KIAA0513: variants seen among roughly 807,000 people sequenced by gnomAD.
KIAA0513 encodes KIAA0513.
In KIAA0513, 39 loss-of-function variants were observed where a neutral mutation model predicts 56.5. The ratio of observed to expected loss-of-function variants is 0.69; its 90% CI spans 0.53 to 0.90. KIAA0513 has a LOEUF of 0.90. Among genes scored for constraint, KIAA0513 ranks in the 40% least tolerant of loss-of-function variants. The pLI is 0.00. For synonymous variants in KIAA0513, 268 were observed against 215.6 expected, an observed-to-expected ratio of 1.24 and a Z score of -2.13; for missense variants, 591 against 535.2, an observed-to-expected ratio of 1.10 and a Z score of -1.03.
In KIAA0513 at chr16:85,060,224, G is replaced by T. The variant is rs11643102; in HGVS notation, c.-172-6676G>T. Among the ~76,000 whole-genome samples, 5 of 152,340 alleles carry T rather than the reference G, an allele frequency of 3.3e-5. No individual in the cohort carries two copies. The East Asian group carries it at 9.7e-4, about 29-fold the overall frequency. On this transcript the variant is annotated intron_variant, in intron 1 of 12. Coordinates refer to ENST00000683363, the MANE Select transcript of KIAA0513 (RefSeq NM_001388359.1). ...GATCCTCCTGCCTCAGCCTCCCAAA[G>T]TGTTGGGATTACAGGCGTGAGCCAC...
At chr16:85,067,753 C>T (rs890941059) in intron 2 of KIAA0513, among the ~76,000 whole-genome samples, 11 of 152,160 alleles carry the variant, frequency 7.2e-5, no homozygotes, top group African/African-American at 2.7e-4. Context: ...GCTCACAGGT[C>T]CCCATCATCC....
chr16:85,050,287 A>G lies in KIAA0513; in HGVS notation c.-172-16613A>G, dbSNP rs2073231921. Among the ~76,000 whole-genome samples, 9 of 151,946 alleles carry G rather than the reference A, an allele frequency of 5.9e-5. 1 individual carries two copies. The South Asian group carries it at 1.9e-3, about 32-fold the overall frequency. ...TAGGAGAACTTCTGAAAAAACAAGA[A>G]ATTTCAAAGACTCCTACTCTGGAGG... is the stretch of plus-strand genomic sequence containing the variant. On this transcript the variant is annotated intron_variant, in intron 1 of 12. Transcript: ENST00000683363.
intron 1 of KIAA0513, among the ~76,000 whole-genome samples, chr16:85,028,840 G>C (rs1012287710): frequency 2.6e-5 from 4 of 152,184 alleles, no homozygotes; most frequent in Non-Finnish European, 5.9e-5. Context: ...AGTAGTGGCT[G>C]TGGTGAGTCA....
intron 1 of KIAA0513, among the ~76,000 whole-genome samples, chr16:85,046,570 C>T (rs752279343): frequency 1.3e-5 from 2 of 152,202 alleles, no homozygotes; most frequent in Admixed American, 6.5e-5. Context: ...ATGGACGGCC[C>T]GTCTGTAGGC....
In KIAA0513 at chr16:85,089,083, T is replaced by G. The variant is rs1365820511; in HGVS notation, c.*758T>G. On this transcript the variant is annotated 3_prime_UTR_variant, in exon 13 of 13. Coordinates refer to ENST00000683363, the MANE Select transcript of KIAA0513 (RefSeq NM_001388359.1). This position sits in a 1 kb window ranked among gnomAD's most constrained non-coding sequence, Gnocchi z 4.2. ...GGCAGACCACACAGACCGTCTGAAA[T>G]GCGCCCGCCTGGCGGACAGCTCCCT... The G allele has an allele frequency of 6.6e-6, 1 of 152,172 alleles. No homozygotes were observed. The highest frequency in any genetic ancestry group is 6.5e-5 in the Admixed American group (1 of 15,280). 9.4% of individuals were successfully genotyped at this position (152,172 alleles called of 1,614,324 possible).
chr16:85,060,804 A>C (rs950886909), intron 1 of KIAA0513, among the ~76,000 whole-genome samples: 41 of 149,888 alleles, frequency 2.7e-4, no homozygotes, highest in Admixed American at 1.8e-3. Flanking sequence ...AGATTGCACC[A>C]CTCTACTTCA....
At chr16:85,049,550 G>C (rs551285545) in intron 1 of KIAA0513, among the ~76,000 whole-genome samples, 56 of 152,308 alleles carry the variant, frequency 3.7e-4, no homozygotes, top group African/African-American at 1.3e-3. Context: ...CCTCGAGATA[G>C]CGAGTTCTCA....
intron 1 of KIAA0513, among the ~76,000 whole-genome samples, chr16:85,059,442 TCTC>T (rs1455640101): frequency 1.3e-5 from 2 of 152,184 alleles, no homozygotes; most frequent in Non-Finnish European, 2.9e-5. Context: ...AGCCAGGCTG[TCTC>T]CTCTAGTCAT....
intron 1 of KIAA0513, among the ~76,000 whole-genome samples, chr16:85,065,029 T>G (rs1026521305): frequency 3.3e-5 from 5 of 152,258 alleles, no homozygotes; most frequent in Non-Finnish European, 7.3e-5. Context: ...TTGAGTGGTT[T>G]GTGTAGCTGT....
chr16:85,078,163 G>T (rs2073686590), intron 6 of KIAA0513, among the ~76,000 whole-genome samples: 2 of 152,178 alleles, frequency 1.3e-5, no homozygotes, highest in African/African-American at 4.8e-5. Flanking sequence ...ACAGCCGGGT[G>T]CCTTGGCCTC....
At chr16:85,057,661 G>A (rs1241315097) in intron 1 of KIAA0513, among the ~76,000 whole-genome samples, 4 of 152,222 alleles carry the variant, frequency 2.6e-5, no homozygotes, top group Non-Finnish European at 5.9e-5. Context: ...ATTGTCCTGG[G>A]ATCTTCAGTC....
At chr16:85,037,843 T>G (rs920803756) in intron 1 of KIAA0513, among the ~76,000 whole-genome samples, 1 of 152,176 alleles carries the variant, frequency 6.6e-6, no homozygotes, top group Admixed American at 6.5e-5. Flanking sequence ...CCTCTCTCCC[T>G]CCTCCAGGGA....
At position 85,087,170 on chromosome 16, in the gene KIAA0513, C is replaced by T. The variant is rs1386539367; in HGVS notation, c.1186+4C>T. 3.7e-6 allele frequency: 6 copies of T among 1,612,000 alleles called. No individual in the cohort carries two copies. The highest frequency in any genetic ancestry group is 1.7e-5 in the Admixed American group (1 of 59,984). ...GTGATTGGCAACCTGGATGAAGGTGCGTCTGGGGGAGGCTGCTGGCAGGAG... is the reference window on the plus strand; with the variant it reads ...GTGATTGGCAACCTGGATGAAGGTGTGTCTGGGGGAGGCTGCTGGCAGGAG... On this transcript the variant is annotated splice_donor_region_variant and intron_variant, in intron 12 of 12. Transcript: ENST00000683363.
rs1156585221 is a variant in KIAA0513 at position 85,092,845 on chromosome 16, C to G, written c.*4520C>G. ...CACACAGGCCACGCACCCCAGGAAC[C>G]CTTGCTGCCGCGGGCCAGGAACAGG... is the stretch of plus-strand genomic sequence containing the variant. On this transcript the variant is annotated 3_prime_UTR_variant, in exon 13 of 13. Coordinates refer to ENST00000683363, the MANE Select transcript of KIAA0513 (RefSeq NM_001388359.1). 6.6e-6 allele frequency: 1 copy of G among 152,490 alleles called. No individual in the cohort carries two copies. Among genetic ancestry groups the G allele is most frequent in the East Asian group, 1.9e-4 (1 of 5,168 alleles). The allele number at this position is 152,490 out of a possible 1,614,324, so 9.4% of individuals were successfully genotyped here. A position where few individuals can be genotyped will look rare whatever the true frequency, so the allele number is the denominator to read the frequency against.
rs1007789731 is a variant in KIAA0513 at position 85,067,084 on chromosome 16, G to A, written c.13G>A (p.Glu5Lys). Residue 5 changes from glutamate to lysine, a missense_variant, in exon 2 of 13, where the codon GAG (glutamate) becomes AAG (lysine). Transcript: ENST00000683363. The part of the protein sequence containing the change: METP[E>K]VPVGSLIDFG... ...GCTCCCCTGAGCCATGGAGACCCCA[G>A]AGGTCCCCGTGGGCTCGCTAATCGA... 6.3e-7 allele frequency: 1 copy of A among 1,581,048 alleles called. No homozygotes were observed. The highest frequency in any genetic ancestry group is 8.6e-7 in the Non-Finnish European group (1 of 1,161,194).
intron 1 of KIAA0513, among the ~76,000 whole-genome samples, chr16:85,056,150 C>T (rs527825882): frequency 2.0e-5 from 3 of 152,264 alleles, no homozygotes; most frequent in Non-Finnish European, 4.4e-5. Context: ...CTCAGGATAG[C>T]TGGGGGTTGG....
intron 1 of KIAA0513, among the ~76,000 whole-genome samples, chr16:85,032,157 G>A (rs1567517732): frequency 6.6e-6 from 1 of 152,192 alleles, no homozygotes; most frequent in Non-Finnish European, 1.5e-5. Flanking sequence ...ACTGGTGGCC[G>A]GTGATCCGTG....
chr16:85,051,634 G>A (rs2073253494), intron 1 of KIAA0513, among the ~76,000 whole-genome samples: 2 of 152,046 alleles, frequency 1.3e-5, no homozygotes. Context: ...CTCACACAGC[G>A]ACTCTTACAC....
rs936348109 is a variant in KIAA0513 at position 85,087,074 on chromosome 16, C to G, written c.1094C>G (p.Thr365Arg). 1 of 1,614,096 alleles carries G rather than the reference C, an allele frequency of 6.2e-7. No homozygotes were observed. Among genetic ancestry groups the G allele is most frequent in the South Asian group, 1.1e-5 (1 of 91,088 alleles). ...NENITFGQLG[T>R]FTHNMLAFGL... ...CGCTCTTGGGGTTTCTCCTGCAGCA[C>G]ATTCACGCACAACATGCTGGCCTTT... Residue 365 changes from threonine (T) to arginine (R), a missense_variant and splice_region_variant, in exon 12 of 13, where the codon ACA becomes AGA. Coordinates refer to ENST00000683363, the MANE Select transcript of KIAA0513 (RefSeq NM_001388359.1).
Sources: gnomAD v4.1 joint callset for allele counts (sites outside exome capture counted in the v4.1 genomes callset) on GRCh38, gnomAD v4.1.1 for gene constraint, Gnocchi (gnomAD v3.1) non-coding constraint, MANE v1.5 for transcripts, NCBI Gene and HGNC (gene_info 2026-07-23, HGNC 2026-07-21) for gene names.